Variants in ENAH observed in about 807,000 individuals in gnomAD.
The protein encoded by ENAH is ENAH actin regulator.
ENAH carries 23 observed loss-of-function variants against 78.7 expected under a neutral mutation model. The observed-to-expected ratio is 0.29, with a 90% CI of 0.21 to 0.41. ENAH has a LOEUF of 0.41. Ranked by LOEUF, ENAH falls within the 10% of genes least tolerant of loss-of-function variation. ENAH has a pLI of 1.00. For synonymous variants in ENAH, 226 were observed against 241.0 expected (o/e 0.94, Z 0.58); for missense variants, 544 against 691.0 (o/e 0.79, Z 2.39).
At chr1:225,636,420 T>C (rs978985143) in intron 1 of ENAH, among the ~76,000 whole-genome samples, 1 of 152,218 alleles carries the variant, frequency 6.6e-6, no homozygotes, top group Non-Finnish European at 1.5e-5. Context: ...TTCAAGTGCA[T>C]ATTGAAAATT....
Position 225,652,667 on chromosome 1 carries a change from C to G in ENAH, c.5+19G>C, listed in dbSNP as rs970996677. 4.9e-5 allele frequency: 62 copies of G among 1,276,132 alleles called. No homozygotes were observed. Among genetic ancestry groups the G allele is most frequent in the Non-Finnish European group, 5.9e-5 (60 of 1,011,038 alleles). 79.1% of individuals were successfully genotyped at this position (1,276,132 alleles called of 1,614,324 possible). ...GCGGCACAATGGCCCGCCCGGCCCC[C>G]GCCCCGCGCGCCCCTCACCTCATGG... On this transcript the variant is annotated intron_variant, in intron 1 of 13. Transcript: ENST00000366843.
At chr1:225,514,986 C>T in intron 6 of ENAH, 86 bp from the exon 7 acceptor site, 1 of 1,044,018 alleles carries the variant, frequency 9.6e-7, no homozygotes, top group Non-Finnish European at 1.5e-6. Context: ...GAATGCCATG[C>T]TAAATTAAAC....
chr1:225,566,247 G>GT (rs1047476495), intron 2 of ENAH, among the ~76,000 whole-genome samples: 3 of 151,352 alleles, frequency 2.0e-5, no homozygotes, highest in African/African-American at 4.8e-5. Flanking sequence ...AAGATTGCTA[G>GT]TTTTTTTGTG....
At chr1:225,505,170 A>G (rs2096316292) in intron 11 of ENAH, 1 of 647,074 alleles carries the variant, frequency 1.5e-6, no homozygotes, top group African/African-American at 1.9e-5. Context: ...GAGTCTATTA[A>G]CCTTAAAATA....
At chr1:225,511,901 C>A (rs1189456091) in intron 9 of ENAH, 42 bp from the exon 10 acceptor site, 1 of 1,343,038 alleles carries the variant, frequency 7.4e-7, no homozygotes, top group South Asian at 1.3e-5. Context: ...CTACCAGTCC[C>A]CTGTTGCTAT....
At chr1:225,533,446 C>T (rs1003113671) in intron 3 of ENAH, among the ~76,000 whole-genome samples, 2 of 152,102 alleles carry the variant, frequency 1.3e-5, no homozygotes, top group Non-Finnish European at 2.9e-5. Context: ...TTATGAGCAT[C>T]ATGTGGTGGT....
At chr1:225,626,961 AC>A (rs779277429) in intron 1 of ENAH, among the ~76,000 whole-genome samples, 33 of 152,218 alleles carry the variant, frequency 2.2e-4, no homozygotes, top group Non-Finnish European at 3.8e-4. Context: ...ATTTCACGAC[AC>A]AAGTACATAT....
At chr1:225,520,185 C>A (rs2096456088) in intron 4 of ENAH, among the ~76,000 whole-genome samples, 1 of 151,878 alleles carries the variant, frequency 6.6e-6, no homozygotes, top group East Asian at 1.9e-4. Flanking sequence ...ATCCCAGCTA[C>A]TTGGGAGGCT....
At chr1:225,548,587 A>C (rs898778406) in intron 3 of ENAH, among the ~76,000 whole-genome samples, 3 of 152,212 alleles carry the variant, frequency 2.0e-5, no homozygotes, top group Non-Finnish European at 2.9e-5. Context: ...AATGGCCTGA[A>C]GGCTCGAAAA....
intron 3 of ENAH, among the ~76,000 whole-genome samples, chr1:225,532,907 GAAC>G (rs2096544690): frequency 6.6e-6 from 1 of 151,998 alleles, no homozygotes; most frequent in Non-Finnish European, 1.5e-5. Context: ...TTTGATCCTA[GAAC>G]AACTCTTAAC....
chr1:225,563,732 T>G (rs1204535164), intron 2 of ENAH, among the ~76,000 whole-genome samples: 1 of 152,232 alleles, frequency 6.6e-6, no homozygotes, highest in Admixed American at 6.5e-5. Context: ...AACTGAAGAC[T>G]GGCTCCTCTC....
chr1:225,511,730 G>C, intron 10 of ENAH, 81 bp downstream of exon 10: 2 of 1,000,910 alleles, frequency 2.0e-6, no homozygotes, highest in South Asian at 3.3e-5. Context: ...TCCAAATATG[G>C]GGAAAGGGGG....
intron 10 of ENAH, among the ~76,000 whole-genome samples, chr1:225,510,775 A>G (rs1478274180): frequency 1.3e-5 from 2 of 151,674 alleles, no homozygotes; most frequent in African/African-American, 4.8e-5. Context: ...ACTTTGGAAG[A>G]CTGAGACAGG....
rs968251787 is a variant in ENAH, at chr1:225,526,664, G to A, written c.434+3890C>T. Among the ~76,000 whole-genome samples, 10 of 151,824 alleles carry A rather than the reference G, an allele frequency of 6.6e-5. No individual in the cohort carries two copies. In the East Asian group the frequency reaches 1.9e-3, roughly 29 times the overall value. ...TTCTCGGCGGGGAAAAAAACAGTGA[G>A]GTGGTTTTTAAAAAAAGTTTCCAAG... On this transcript the variant is annotated intron_variant, in intron 4 of 13. Transcript: ENST00000366843.
intron 1 of ENAH, among the ~76,000 whole-genome samples, chr1:225,578,827 C>A (rs540476585): frequency 6.6e-6 from 1 of 152,206 alleles, no homozygotes; most frequent in East Asian, 1.9e-4. Flanking sequence ...ACTAACAGCT[C>A]CCCAGTTAGT....
At chr1:225,530,347 A>T (rs2096532111) in intron 4 of ENAH, among the ~76,000 whole-genome samples, 1 of 152,202 alleles carries the variant, frequency 6.6e-6, no homozygotes, top group Non-Finnish European at 1.5e-5. Context: ...TACAAAAAAA[A>T]ACACATATGA....
intron 1 of ENAH, among the ~76,000 whole-genome samples, chr1:225,599,569 G>C (rs920782761): frequency 2.0e-5 from 3 of 152,040 alleles, no homozygotes; most frequent in Admixed American, 6.6e-5. Context: ...ACTTTGGGAG[G>C]CTGCGGTGGG....
chr1:225,535,207 A>G (rs1044117807), intron 3 of ENAH, among the ~76,000 whole-genome samples: 9 of 152,126 alleles, frequency 5.9e-5, no homozygotes, highest in Admixed American at 2.0e-4. Flanking sequence ...CAAACAAAAT[A>G]ATTAAAAACA....
chr1:225,567,811 G>C (rs1270689569), intron 1 of ENAH, among the ~76,000 whole-genome samples: 3 of 152,120 alleles, frequency 2.0e-5, no homozygotes, highest in African/African-American at 7.2e-5. Flanking sequence ...TAATACAAGT[G>C]TAAATTAATC....
Sources: allele counts gnomAD v4.1 joint callset (sites outside exome capture counted in the v4.1 genomes callset), GRCh38; gene constraint gnomAD v4.1.1; transcripts MANE v1.5; gene names NCBI Gene and HGNC (gene_info 2026-07-23, HGNC 2026-07-21).